The following SORCS2 variants were observed in gnomAD, a reference collection of about 807,000 sequenced individuals.
The protein encoded by SORCS2 is VPS10 domain-containing receptor SorCS2.
SORCS2 carries 100 observed loss-of-function variants against 141.6 expected under a neutral mutation model. That is an observed-to-expected ratio of 0.71 (90% CI 0.60 to 0.83). The LOEUF (loss-of-function observed/expected upper bound fraction) is 0.83. Ranked by LOEUF, SORCS2 falls within the 40% of genes least tolerant of loss-of-function variation. The probability of loss-of-function intolerance (pLI) is 0.00; values close to 1 mark genes in which losing one functional copy is unlikely to be tolerated. For missense variants in SORCS2, 1,646 were observed against 1,560.2 expected (o/e 1.05, Z -0.93); for synonymous variants, 789 against 676.9 (o/e 1.17, Z -2.57).
intron 1 of SORCS2, among the ~76,000 whole-genome samples, chr4:7,378,474 A>G (rs913470661): frequency 6.6e-6 from 1 of 152,226 alleles, no homozygotes; most frequent in Non-Finnish European, 1.5e-5. Flanking sequence ...ACATGGCATC[A>G]GGAGAGAGAA....
intron 8 of SORCS2, among the ~76,000 whole-genome samples, chr4:7,670,538 A>G (rs940023998): frequency 3.3e-5 from 5 of 152,232 alleles, no homozygotes; most frequent in African/African-American, 1.2e-4. Context: ...TGACATCAGG[A>G]TCAGGTAAGA....
intron 26 of SORCS2, among the ~76,000 whole-genome samples, chr4:7,739,455 G>A (rs1266736746): frequency 6.6e-6 from 1 of 152,166 alleles, no homozygotes; most frequent in African/African-American, 2.4e-5. Flanking sequence ...TAATCCTAGT[G>A]GGGTAGTAAG....
intron 2 of SORCS2, among the ~76,000 whole-genome samples, chr4:7,516,719 A>G (rs1577684731): frequency 6.6e-6 from 1 of 151,832 alleles, no homozygotes; most frequent in East Asian, 1.9e-4. Context: ...ACTGGGCCAC[A>G]CTCATCCCCT....
At chr4:7,280,625 C>T (rs949860152) in intron 1 of SORCS2, among the ~76,000 whole-genome samples, 1 of 152,202 alleles carries the variant, frequency 6.6e-6, no homozygotes, top group Non-Finnish European at 1.5e-5. Context: ...CAGGAACTGC[C>T]AAACTGTCTT....
intron 2 of SORCS2, among the ~76,000 whole-genome samples, chr4:7,519,092 G>A (rs1465503884): frequency 2.0e-5 from 3 of 152,190 alleles, no homozygotes; most frequent in Admixed American, 2.0e-4. Context: ...AAGTGTGCCC[G>A]GCGGAGGGCT....
intron 3 of SORCS2, among the ~76,000 whole-genome samples, chr4:7,595,126 C>T (rs1443776713): frequency 6.6e-6 from 1 of 152,150 alleles, no homozygotes; most frequent in Non-Finnish European, 1.5e-5. Flanking sequence ...GGGGGTTTCA[C>T]GGCCTCCTCC....
chr4:7,616,214 G>A (rs1480697850), intron 3 of SORCS2, among the ~76,000 whole-genome samples: 1 of 152,074 alleles, frequency 6.6e-6, no homozygotes, highest in Non-Finnish European at 1.5e-5. Flanking sequence ...TTCATCTGGA[G>A]GCTTCTTTGA....
chr4:7,427,032 A>G (rs1471280939), intron 2 of SORCS2, among the ~76,000 whole-genome samples: 4 of 152,130 alleles, frequency 2.6e-5, no homozygotes, highest in African/African-American at 9.7e-5. Flanking sequence ...GGGCACAGGG[A>G]AAGAGCGGTG....
chr4:7,381,436 A>C (rs548580700), intron 1 of SORCS2, among the ~76,000 whole-genome samples: 31 of 152,362 alleles, frequency 2.0e-4, no homozygotes, highest in Admixed American at 2.0e-3. Context: ...CGAAGCTGAC[A>C]TCAGAGGCTG....
Position 7,396,466 on chromosome 4 carries a change from C to T in SORCS2, c.548+111C>T, listed in dbSNP as rs1365163773. Reference sequence around the variant, plus strand: ...CCTCACTGTGGCAGCCCCTGTGAGTCAGTGGCCTCGCAACTTTTCTTTGGC... The same window carrying T: ...CCTCACTGTGGCAGCCCCTGTGAGTTAGTGGCCTCGCAACTTTTCTTTGGC... On this transcript the variant is annotated intron_variant, in intron 2 of 26. Transcript: ENST00000507866. 6 of 1,117,266 alleles carry T rather than the reference C, an allele frequency of 5.4e-6. No individual in the cohort carries two copies. The Admixed American group carries it at 7.6e-5, about 14-fold the overall frequency. The allele number at this position is 1,117,266 out of a possible 1,614,324, so 69.2% of individuals were successfully genotyped here. A position where few individuals can be genotyped will look rare whatever the true frequency, so the allele number is the denominator to read the frequency against.
At chr4:7,724,010 G>GGGCAGGGA (rs1726788107) in intron 19 of SORCS2, 127 bp downstream of exon 19, 1 of 1,154,878 alleles carries the variant, frequency 8.7e-7, no homozygotes, top group Admixed American at 2.9e-5. Flanking sequence ...GTGAACCCGA[G>GGGCAGGGA]GGCAGGGAGG....
At chr4:7,318,662 G>C (rs866987316) in intron 1 of SORCS2, among the ~76,000 whole-genome samples, 1 of 152,106 alleles carries the variant, frequency 6.6e-6, no homozygotes, top group Admixed American at 6.5e-5. Context: ...CTCAATCATC[G>C]CAGCTACTCA....
At chr4:7,667,333 G>C (rs1020771396) in intron 8 of SORCS2, 120 bp downstream of exon 8, 2 of 865,808 alleles carry the variant, frequency 2.3e-6, no homozygotes, top group African/African-American at 1.7e-5. Context: ...GACAAGAACA[G>C]TGTGGCCACG....
chr4:7,454,390 G>A (rs1214076113), intron 2 of SORCS2, among the ~76,000 whole-genome samples: 1 of 138,050 alleles, frequency 7.2e-6, no homozygotes, highest in African/African-American at 2.8e-5. Context: ...GTCAGGTGCT[G>A]TGTGTTGGGG....
intron 14 of SORCS2, among the ~76,000 whole-genome samples, chr4:7,709,183 G>A (rs939256636): frequency 2.6e-5 from 4 of 152,200 alleles, no homozygotes; most frequent in Non-Finnish European, 2.9e-5. Context: ...GCCAGAACCC[G>A]CAGAGCCGCG....
At chr4:7,628,439 A>C (rs933771220) in intron 3 of SORCS2, among the ~76,000 whole-genome samples, 11 of 151,668 alleles carry the variant, frequency 7.3e-5, no homozygotes, top group African/African-American at 2.7e-4. Flanking sequence ...GAATGGCATG[A>C]ACCCGGGAGA....
chr4:7,365,880 C>T (rs563986184), intron 1 of SORCS2, among the ~76,000 whole-genome samples: 6 of 152,242 alleles, frequency 3.9e-5, no homozygotes, highest in Non-Finnish European at 8.8e-5. Context: ...TCTTACTTGG[C>T]AGGGACCAAG....
intron 10 of SORCS2, among the ~76,000 whole-genome samples, chr4:7,686,331 G>A (rs1723867924): frequency 6.6e-6 from 1 of 152,244 alleles, no homozygotes; most frequent in African/African-American, 2.4e-5. Context: ...TGCAGTGAGT[G>A]CCAGGCGTCC....
intron 16 of SORCS2, among the ~76,000 whole-genome samples, chr4:7,714,809 C>G (rs1310957682): frequency 1.3e-5 from 2 of 152,198 alleles, no homozygotes; most frequent in South Asian, 2.1e-4. Context: ...CCTGCCACCT[C>G]ACCCCTCCTC....
Sources: allele counts gnomAD v4.1 joint callset (sites outside exome capture counted in the v4.1 genomes callset), GRCh38; gene constraint gnomAD v4.1.1; transcripts MANE v1.5; gene names NCBI Gene and HGNC (gene_info 2026-07-23, HGNC 2026-07-21).